The following RANBP2 variants were observed in gnomAD, a reference collection of about 807,000 sequenced individuals.
RANBP2 encodes the protein E3 SUMO-protein ligase RanBP2.
In RANBP2, 57 loss-of-function variants were observed where a neutral mutation model predicts 303.6. The observed-to-expected ratio is 0.19, with a 90% confidence interval of 0.15 to 0.23. The LOEUF (loss-of-function observed/expected upper bound fraction) is 0.23. Ranked by LOEUF, RANBP2 falls within the 10% of genes least tolerant of loss-of-function variation. RANBP2 has a pLI of 1.00. For missense variants in RANBP2, 3,138 were observed against 3,780.8 expected (o/e 0.83, Z 4.46); for synonymous variants, 1,167 against 1,301.5 (o/e 0.90, Z 2.23).
the RANBP2 span, among the ~76,000 whole-genome samples, chr2:109,663,591 T>A: frequency 1.3e-5 from 2 of 152,242 alleles, no homozygotes; most frequent in Non-Finnish European, 2.9e-5. Context: ...ATTCCCTTAC[T>A]GATCATATAC....
At chr2:108,896,881 G>T in the RANBP2 span, 1 of 1,600,570 alleles carries the variant, frequency 6.2e-7, no homozygotes, top group Non-Finnish European at 8.5e-7. Flanking sequence ...GGCTTGTCCT[G>T]GGAGGACAGC....
the RANBP2 span, among the ~76,000 whole-genome samples, chr2:109,132,004 C>T: frequency 6.6e-6 from 1 of 152,224 alleles, no homozygotes; most frequent in East Asian, 1.9e-4. Flanking sequence ...GCATATCAGG[C>T]ATTGAGCAAC....
At chr2:109,426,774 G>A in the RANBP2 span, among the ~76,000 whole-genome samples, 1 of 152,128 alleles carries the variant, frequency 6.6e-6, no homozygotes, top group Non-Finnish European at 1.5e-5. Context: ...AATCTATCAT[G>A]AAAGAAAGAG....
chr2:109,725,015 G>T, the RANBP2 span, among the ~76,000 whole-genome samples: 467 of 152,282 alleles, frequency 3.1e-3, 1 homozygote, highest in Non-Finnish European at 5.2e-3. Flanking sequence ...AGAGGCTGCT[G>T]GCACCTTGGT....
the RANBP2 span, among the ~76,000 whole-genome samples, chr2:109,434,166 TC>T: frequency 6.6e-6 from 1 of 152,204 alleles, no homozygotes; most frequent in Non-Finnish European, 1.5e-5. Context: ...GTTAGGGGAC[TC>T]CCTGACCAGC....
chr2:108,767,952 A>G lies in RANBP2; in HGVS notation c.7413A>G (p.Val2471=). Residue 2471 remains valine (V), a synonymous_variant, in exon 20 of 29, where the codon GTA becomes GTG. Transcript: ENST00000283195. Reference sequence around the variant, plus strand: ...CATGTGGCAAAATTGCTGTAGCTGTATTAGAAGAAACCACAAGAGAGAGGA... The same window carrying G: ...CATGTGGCAAAATTGCTGTAGCTGTGTTAGAAGAAACCACAAGAGAGAGGA... ...ESPCGKIAVA[V]LEETTRERTD... is the part of the protein sequence containing the mutation. 8 of 1,611,976 alleles carry G rather than the reference A, an allele frequency of 5.0e-6. No individual in the cohort carries two copies. Among genetic ancestry groups the G allele is most frequent in the Non-Finnish European group, 6.8e-6 (8 of 1,179,844 alleles).
At chr2:109,679,781 G>A in the RANBP2 span, among the ~76,000 whole-genome samples, 1 of 152,178 alleles carries the variant, frequency 6.6e-6, no homozygotes, top group African/African-American at 2.4e-5. Flanking sequence ...AGGAAAGGCT[G>A]GAGCCTTGGA....
the RANBP2 span, among the ~76,000 whole-genome samples, chr2:109,179,738 C>A: frequency 6.6e-6 from 1 of 152,162 alleles, no homozygotes; most frequent in Non-Finnish European, 1.5e-5. Flanking sequence ...ATCCTAATTA[C>A]CTCCAAAGAC....
the RANBP2 span, among the ~76,000 whole-genome samples, chr2:109,549,743 T>C: frequency 1.3e-5 from 2 of 152,182 alleles, no homozygotes; most frequent in Non-Finnish European, 2.9e-5. Context: ...TTTTTTCCTA[T>C]ATATAGACAC....
chr2:108,857,462 T>C, the RANBP2 span, among the ~76,000 whole-genome samples: 1 of 152,280 alleles, frequency 6.6e-6, no homozygotes, highest in South Asian at 2.1e-4. Context: ...CTCCAGGGAT[T>C]CCCCAGCTAA....
At chr2:109,366,490 G>T in the RANBP2 span, among the ~76,000 whole-genome samples, 4 of 151,884 alleles carry the variant, frequency 2.6e-5, no homozygotes, top group African/African-American at 9.7e-5. Flanking sequence ...GCATATATAC[G>T]TTTATGCACG....
At chr2:109,484,089 A>G in the RANBP2 span, among the ~76,000 whole-genome samples, 1 of 134,838 alleles carries the variant, frequency 7.4e-6, no homozygotes, top group East Asian at 2.1e-4. Context: ...TTTTTTTGAG[A>G]CCGAGTCTCG....
At chr2:108,971,168 A>G in the RANBP2 span, among the ~76,000 whole-genome samples, 1 of 152,236 alleles carries the variant, frequency 6.6e-6, no homozygotes, top group Non-Finnish European at 1.5e-5. Context: ...TGCTGGCTAC[A>G]TGTTTTCCGT....
At chr2:108,787,928 C>G, downstream of RANBP2, 1 of 996,594 alleles carries the variant, frequency 1.0e-6, no homozygotes, top group South Asian at 1.6e-5. Flanking sequence ...TACAAGATTT[C>G]TCCACTCTAA....
At chr2:109,057,549 T>C in the RANBP2 span, among the ~76,000 whole-genome samples, 74 of 152,358 alleles carry the variant, frequency 4.9e-4, no homozygotes, top group African/African-American at 1.7e-3. Flanking sequence ...GTCTTTCTCA[T>C]GGAACTCTGT....
chr2:109,189,407 C>T, the RANBP2 span, among the ~76,000 whole-genome samples: 5 of 149,110 alleles, frequency 3.4e-5, no homozygotes, highest in East Asian at 3.9e-4. Context: ...GAGTCTCTGT[C>T]GCCCAGGCTG....
the RANBP2 span, chr2:108,895,646 T>G: frequency 1.4e-4 from 22 of 152,386 alleles, no homozygotes; most frequent in African/African-American, 4.8e-4. Context: ...ACTTTCTTTT[T>G]GCTCACCTGA....
At chr2:109,221,581 C>CAAA in the RANBP2 span, among the ~76,000 whole-genome samples, 35 of 63,300 alleles carry the variant, frequency 5.5e-4, no homozygotes, top group African/African-American at 1.6e-3. Flanking sequence ...GACTCCATCT[C>CAAA]AAAAAAAAAA....
At chr2:108,860,935 C>T in the RANBP2 span, among the ~76,000 whole-genome samples, 343 of 37,886 alleles carry the variant, frequency 9.1e-3, 1 homozygote, top group Middle Eastern at 0.056. Flanking sequence ...TGGTCCAGGA[C>T]TTTTTTTTTT....
Sources: allele counts gnomAD v4.1 joint callset (sites outside exome capture counted in the v4.1 genomes callset), GRCh38; gene constraint gnomAD v4.1.1; transcripts MANE v1.5; gene names NCBI Gene and HGNC (gene_info 2026-07-23, HGNC 2026-07-21).